ZDHHC18: variants seen among roughly 807,000 people sequenced by gnomAD.
ZDHHC18 encodes the protein palmitoyltransferase ZDHHC18.
A neutral mutation model predicts 37.5 loss-of-function variants in ZDHHC18; 23 were observed. The observed-to-expected ratio is 0.61, with a 90% CI of 0.44 to 0.87. The LOEUF (loss-of-function observed/expected upper bound fraction) is 0.87, where lower values mean the gene tolerates loss of function less well. Among genes scored for constraint, ZDHHC18 ranks in the 40% least tolerant of loss-of-function variants. The pLI, the probability that ZDHHC18 is intolerant of heterozygous loss-of-function variation, is 0.00. For missense variants in ZDHHC18, 406 were observed against 525.6 expected (o/e 0.77, Z 2.22); for synonymous variants, 185 against 218.7 (o/e 0.85, Z 1.36).
intron 2 of ZDHHC18, among the ~76,000 whole-genome samples, chr1:26,842,740 A>T (rs541798058): frequency 6.6e-6 from 1 of 152,394 alleles, no homozygotes; most frequent in Non-Finnish European, 1.5e-5. Context: ...AACCTAACAA[A>T]GTAAACCTTT....
In ZDHHC18 at chr1:26,846,948, T is replaced by C. The variant is rs959304205; in HGVS notation, c.497-1660T>C. Among the ~76,000 whole-genome samples the C allele has an allele frequency of 3.3e-5, 5 of 151,712 alleles. No homozygotes were observed. In the East Asian group the frequency reaches 9.8e-4, roughly 30 times the overall value. ...TCTCCCACCGTCGCCCAGGCTGGAG[T>C]GCAGTGGCATGATCTCGGCTCACTG... On this transcript the variant is annotated intron_variant, in intron 2 of 7. Coordinates refer to ENST00000374142, the MANE Select transcript of ZDHHC18 (RefSeq NM_032283.3).
At chr1:26,851,095 C>T (rs775354127) in intron 5 of ZDHHC18, 34 bp from the exon 6 acceptor site, 22 of 1,579,228 alleles carry the variant, frequency 1.4e-5, no homozygotes, top group Non-Finnish European at 1.9e-5. Context: ...AGGCTCCCCA[C>T]CCTCCACCCA....
In ZDHHC18 at chr1:26,832,551, C is replaced by G. The variant is rs542532901; in HGVS notation, c.440C>G (p.Pro147Arg). Residue 147 changes from proline (P) to arginine (R), a missense_variant, in exon 2 of 8, where the codon CCT (proline) becomes CGT (arginine). Pro to Arg is a moderately radical substitution (Grantham distance 103). Transcript: ENST00000374142. ...SCLLQTSFTD[P>R]GILPRATVCE... ...CTGCTGCAGACAAGCTTCACCGACC[C>G]TGGGATCCTGCCCCGGGCCACTGTC... 1 of 1,614,198 alleles carries G rather than the reference C, an allele frequency of 6.2e-7. No individual in the cohort carries two copies. The highest frequency in any genetic ancestry group is 1.3e-5 in the African/African-American group (1 of 75,040).
At chr1:26,832,314 C>T in intron 1 of ZDHHC18, 133 bp from the exon 2 acceptor site, 1 of 1,117,230 alleles carries the variant, frequency 9.0e-7, no homozygotes, top group Non-Finnish European at 1.3e-6. Flanking sequence ...AGCTGTGCCT[C>T]TGCCTCAGAG....
chr1:26,826,778 G>GC lies in ZDHHC18; in HGVS notation c.-26dup. ...GAGTGGCCCGGCCGGCCCGCGGGGC[G>GC]CGGAGCCGAGGCCCGCGGCTGGCTG... On this transcript the variant is annotated 5_prime_UTR_variant, in exon 1 of 8. Transcript: ENST00000374142. The surrounding 1 kb of genome is among the most constrained non-coding windows in gnomAD (Gnocchi z 5.2). The GC allele has an allele frequency of 1.0e-6, 1 of 970,706 alleles. No individual in the cohort carries two copies. The highest frequency in any genetic ancestry group is 1.2e-6 in the Non-Finnish European group (1 of 818,764). 60.1% of individuals were successfully genotyped at this position (970,706 alleles called of 1,614,324 possible). A position where few individuals can be genotyped will look rare whatever the true frequency, so the allele number is the denominator to read the frequency against.
intron 1 of ZDHHC18, among the ~76,000 whole-genome samples, chr1:26,830,255 G>A (rs936842905): frequency 6.6e-6 from 1 of 152,192 alleles, no homozygotes; most frequent in Admixed American, 6.5e-5. Context: ...CTGGCTATGG[G>A]GTGATGGTTA....
intron 2 of ZDHHC18, among the ~76,000 whole-genome samples, chr1:26,846,215 C>A: frequency 1.8e-5 from 1 of 57,040 alleles, no homozygotes; most frequent in Admixed American, 2.3e-4. Flanking sequence ...CACGTATATA[C>A]ATATATATGT....
At chr1:26,853,369 C>T (rs550503469) in intron 7 of ZDHHC18, among the ~76,000 whole-genome samples, 20 of 152,336 alleles carry the variant, frequency 1.3e-4, no homozygotes, top group African/African-American at 3.8e-4. Flanking sequence ...ACCCAGTATC[C>T]CTGTCACCCA....
intron 2 of ZDHHC18, among the ~76,000 whole-genome samples, chr1:26,840,177 T>A (rs191233629): frequency 6.6e-6 from 1 of 152,322 alleles, no homozygotes; most frequent in Admixed American, 6.5e-5. Flanking sequence ...GGAAGACCTG[T>A]GGGATTCCAC....
At chr1:26,829,425 C>T (rs915628289) in intron 1 of ZDHHC18, among the ~76,000 whole-genome samples, 1 of 152,132 alleles carries the variant, frequency 6.6e-6, no homozygotes. Context: ...ATCCTCCGTG[C>T]ACACTCCTAC....
At chr1:26,834,442 CT>C (rs1302771670) in intron 2 of ZDHHC18, among the ~76,000 whole-genome samples, 1 of 152,210 alleles carries the variant, frequency 6.6e-6, no homozygotes, top group Non-Finnish European at 1.5e-5. Flanking sequence ...GCTTTCTCTT[CT>C]GAGATGGCAG....
In ZDHHC18 at chr1:26,850,429, C is replaced by A; in HGVS notation, c.775C>A (p.Leu259Met). The change falls in exon 4 of 8, where the codon CTG becomes ATG. Residue 259 changes from leucine (L) to methionine (M), a missense_variant. Transcript: ENST00000374142. The surrounding 1 kb of genome is among the most constrained non-coding windows in gnomAD (Gnocchi z 6.1). ...AFIFACVVTHLTLRAQGSNFL... is the reference protein window; with the variant it reads ...AFIFACVVTHMTLRAQGSNFL... ...CATCTTCGCCTGTGTGGTCACCCAC[C>A]TGACGTTGCGTGAGTTGTGGGTGAG... 1 of 1,613,992 alleles carries A rather than the reference C, an allele frequency of 6.2e-7. No homozygotes were observed. The highest frequency in any genetic ancestry group is 8.5e-7 in the Non-Finnish European group (1 of 1,180,048).
chr1:26,832,644 T>C, intron 2 of ZDHHC18, 37 bp downstream of exon 2: 1 of 1,604,388 alleles, frequency 6.2e-7, no homozygotes, highest in Non-Finnish European at 8.5e-7. Context: ...TGGGTCTCCA[T>C]AGCTCCACAT....
At chr1:26,842,626 G>A (rs962931724) in intron 2 of ZDHHC18, among the ~76,000 whole-genome samples, 1 of 152,220 alleles carries the variant, frequency 6.6e-6, no homozygotes, top group African/African-American at 2.4e-5. Flanking sequence ...GTGGCCATTG[G>A]CCTCTAAATC....
chr1:26,853,900 G>A lies in ZDHHC18; in HGVS notation c.*57G>A, dbSNP rs532486027. 99 of 1,473,280 alleles carry A rather than the reference G, an allele frequency of 6.7e-5. 2 individuals carry two copies. The South Asian group carries it at 9.8e-4, about 15-fold the overall frequency. The allele number at this position is 1,473,280 out of a possible 1,614,324, so 91.3% of individuals were successfully genotyped here. A position where few individuals can be genotyped will look rare whatever the true frequency, so the allele number is the denominator to read the frequency against. On this transcript the variant is annotated 3_prime_UTR_variant, in exon 8 of 8. Coordinates refer to ENST00000374142, the MANE Select transcript of ZDHHC18 (RefSeq NM_032283.3). The stretch of plus-strand genomic sequence containing the variant: ...GTCTGACCCTCCGCACTCACCTGCC[G>A]GGACCCTCCCTATTCCATCCAAGGG...
intron 2 of ZDHHC18, among the ~76,000 whole-genome samples, chr1:26,846,935 G>A (rs536222569): frequency 4.8e-4 from 72 of 148,768 alleles, no homozygotes; most frequent in African/African-American, 1.6e-3. Flanking sequence ...TCCCACCGTC[G>A]CCCAGGCTGG....
chr1:26,832,133 T>C, intron 1 of ZDHHC18: 1 of 292,776 alleles, frequency 3.4e-6, no homozygotes, highest in Non-Finnish European at 6.5e-6. Flanking sequence ...GACAGTCCAC[T>C]AGTGTCTGCC....
rs759772213 is a variant in ZDHHC18, at chr1:26,848,736, A to C, written c.625A>C (p.Ser209Arg). ...CCGGCCACCCCGAACCTCACACTGC[A>C]GTGTCTGCGACAACTGTGTGGGTGA... ...MFRPPRTSHC[S>R]VCDNCVERFD... The change falls in exon 3 of 8, where the codon AGT becomes CGT. Residue 209 changes from serine (S) to arginine (R), a missense_variant. Transcript: ENST00000374142. The C allele has an allele frequency of 4.3e-6, 7 of 1,613,592 alleles. No homozygotes were observed. In the Admixed American group the frequency reaches 1.2e-4, roughly 27 times the overall value.
In ZDHHC18 at chr1:26,853,778, A is replaced by G. The variant is rs1245057123; in HGVS notation, c.1102A>G (p.Ile368Val). 1.9e-6 allele frequency: 3 copies of G among 1,613,878 alleles called. No homozygotes were observed. Among genetic ancestry groups the G allele is most frequent in the African/African-American group, 1.3e-5 (1 of 74,870 alleles). Residue 368 changes from isoleucine to valine, a missense_variant, in exon 8 of 8, where the codon ATC becomes GTC. Physicochemically the swap from Ile to Val is conservative, Grantham distance 29. Coordinates refer to ENST00000374142, the MANE Select transcript of ZDHHC18 (RefSeq NM_032283.3). ...GTCCGACACCGTGTTGCCCTCACCC[A>G]TCAGAAGCGATGAGCCAGCCTGCAG... Reference protein sequence around the residue: ...VQSDTVLPSPIRSDEPACRAK... With the variant: ...VQSDTVLPSPVRSDEPACRAK...
Sources: gnomAD v4.1 joint callset for allele counts (sites outside exome capture counted in the v4.1 genomes callset) on GRCh38, gnomAD v4.1.1 for gene constraint, Gnocchi (gnomAD v3.1) non-coding constraint, MANE v1.5 for transcripts, NCBI Gene and HGNC (gene_info 2026-07-23, HGNC 2026-07-21) for gene names.